Variants in GNG5 observed in about 807,000 individuals in gnomAD.
GNG5 encodes the protein G protein subunit gamma 5, also known as guanine nucleotide-binding protein G(I)/G(S)/G(O) subunit gamma-5.
GNG5 carries 2 observed loss-of-function variants against 6.2 expected under a neutral mutation model. The ratio of observed to expected loss-of-function variants is 0.32; its 90% CI spans 0.13 to 1.01. The LOEUF (loss-of-function observed/expected upper bound fraction) is 1.01, where lower values mean the gene tolerates loss of function less well. Ranked by LOEUF, GNG5 falls within the 50% of genes least tolerant of loss-of-function variation. The pLI is 0.48. For missense variants in GNG5, 57 were observed against 80.2 expected (o/e 0.71, Z 1.10); for synonymous variants, 24 against 33.0 (o/e 0.73, Z 0.93).
intron 2 of GNG5, among the ~76,000 whole-genome samples, chr1:84,505,091 C>T (rs1682146074): frequency 6.6e-6 from 1 of 152,174 alleles, no homozygotes. Flanking sequence ...ATTCTTGTTT[C>T]TTTTTTTAAC....
intron 2 of GNG5, among the ~76,000 whole-genome samples, chr1:84,505,118 A>G (rs1292500646): frequency 1.3e-5 from 2 of 152,256 alleles, no homozygotes; most frequent in African/African-American, 4.8e-5. Flanking sequence ...AGTGTTTCAC[A>G]TGTAGCCTGA....
intron 2 of GNG5, 42 bp downstream of exon 2, chr1:84,505,969 G>C: frequency 8.3e-7 from 1 of 1,198,262 alleles, no homozygotes; most frequent in Non-Finnish European, 1.1e-6. Flanking sequence ...CCCACCCGCC[G>C]CCGCCGCCTT....
intron 3 of GNG5, among the ~76,000 whole-genome samples, chr1:84,500,867 G>A (rs1472562829): frequency 6.6e-6 from 1 of 152,142 alleles, no homozygotes; most frequent in Non-Finnish European, 1.5e-5. Context: ...CTTTGGAGAA[G>A]TCAGAAAGTT....
chr1:84,506,158 A>T lies in GNG5; in HGVS notation c.-67T>A, dbSNP rs1216244925. The T allele has an allele frequency of 3.7e-6, 5 of 1,364,410 alleles. No individual in the cohort carries two copies. The highest frequency in any genetic ancestry group is 3.0e-6 in the Non-Finnish European group (3 of 997,972). 84.5% of individuals were successfully genotyped at this position (1,364,410 alleles called of 1,614,324 possible). On this transcript the variant is annotated 5_prime_UTR_variant, in exon 2 of 4. Coordinates refer to ENST00000370645, the MANE Select transcript of GNG5 (RefSeq NM_005274.3). The stretch of plus-strand genomic sequence containing the variant: ...GTGGGCCGTGGGTCGGCGGGGCCAG[A>T]CAACTCAGCGGCGCGCGGCGGGGGC...
chr1:84,500,768 C>T (rs1682042392), intron 3 of GNG5, among the ~76,000 whole-genome samples: 1 of 152,114 alleles, frequency 6.6e-6, no homozygotes, highest in Non-Finnish European at 1.5e-5. Flanking sequence ...TGTACTTATA[C>T]AGACTTCCTG....
At chr1:84,505,003 G>A (rs2101893427) in intron 2 of GNG5, among the ~76,000 whole-genome samples, 1 of 152,354 alleles carries the variant, frequency 6.6e-6, no homozygotes, top group East Asian at 1.9e-4. Context: ...ATTTCGGCAA[G>A]TAATAAAGAC....
At chr1:84,499,613 T>G (rs146582542) in intron 3 of GNG5, among the ~76,000 whole-genome samples, 13 of 152,280 alleles carry the variant, frequency 8.5e-5, no homozygotes, top group African/African-American at 3.1e-4. Flanking sequence ...TTACAAAGAG[T>G]ATTTAATGAA....
chr1:84,501,312 A>G (rs1484038905), intron 3 of GNG5, among the ~76,000 whole-genome samples: 1 of 152,186 alleles, frequency 6.6e-6, no homozygotes, highest in Non-Finnish European at 1.5e-5. Flanking sequence ...ACTCAATTAC[A>G]TCTGACTTTC....
At chr1:84,503,014 T>C (rs991233399) in intron 2 of GNG5, among the ~76,000 whole-genome samples, 1 of 152,220 alleles carries the variant, frequency 6.6e-6, no homozygotes, top group Non-Finnish European at 1.5e-5. Flanking sequence ...TTTAAGGCAA[T>C]AGTTTCTTAA....
At chr1:84,504,679 G>A (rs757816057) in intron 2 of GNG5, among the ~76,000 whole-genome samples, 1 of 152,202 alleles carries the variant, frequency 6.6e-6, no homozygotes, top group African/African-American at 2.4e-5. Flanking sequence ...CTGTGATGAG[G>A]TAAGAATTGG....
chr1:84,500,096 T>C lies in GNG5; in HGVS notation c.*20-1548A>G, dbSNP rs371329512. 6.6e-5 allele frequency among the ~76,000 whole-genome samples: 10 copies of C among 152,334 alleles called. No homozygotes were observed. The East Asian group carries it at 1.5e-3, about 23-fold the overall frequency. ...ACTGTATTTATATACATAACTCCAA[T>C]GTAGATTCTTTACATTCATGCCACT... is the stretch of plus-strand genomic sequence containing the variant. On this transcript the variant is annotated intron_variant, in intron 3 of 3. Transcript: ENST00000370645.
chr1:84,502,965 T>A (rs1384348285), intron 2 of GNG5, among the ~76,000 whole-genome samples: 1 of 152,256 alleles, frequency 6.6e-6, no homozygotes, highest in Non-Finnish European at 1.5e-5. Context: ...AAGTCCTGTT[T>A]GGGTGGCTCT....
chr1:84,499,337 C>CTAA (rs2101890089), intron 3 of GNG5, among the ~76,000 whole-genome samples: 1 of 152,244 alleles, frequency 6.6e-6, no homozygotes, highest in Admixed American at 6.5e-5. Context: ...ACAGAAAAGA[C>CTAA]TAAGGTTTGT....
chr1:84,506,217 C>T lies in GNG5; in HGVS notation c.-126G>A, dbSNP rs1682221819. On this transcript the variant is annotated 5_prime_UTR_variant, in exon 2 of 4. Transcript: ENST00000370645. Reference sequence around the variant, plus strand: ...GAACTTTGTCTCTAAGTTTCCGGTTCTGTGCTCAGCGGCTCCACCCTCGGT... The same window carrying T: ...GAACTTTGTCTCTAAGTTTCCGGTTTTGTGCTCAGCGGCTCCACCCTCGGT... 2 of 662,708 alleles carry T rather than the reference C, an allele frequency of 3.0e-6. No homozygotes were observed. The highest frequency in any genetic ancestry group is 7.7e-5 in the Admixed American group (2 of 25,864). The allele number at this position is 662,708 out of a possible 1,614,324, so 41.1% of individuals were successfully genotyped here. A position where few individuals can be genotyped will look rare whatever the true frequency, so the allele number is the denominator to read the frequency against.
At chr1:84,499,634 T>A (rs1175890783) in intron 3 of GNG5, among the ~76,000 whole-genome samples, 1 of 152,206 alleles carries the variant, frequency 6.6e-6, no homozygotes, top group Non-Finnish European at 1.5e-5. Context: ...ATAAATTCAT[T>A]TAAAAAAGGC....
intron 2 of GNG5, among the ~76,000 whole-genome samples, chr1:84,503,149 C>T (rs1171342532): frequency 6.6e-6 from 1 of 152,224 alleles, no homozygotes; most frequent in Non-Finnish European, 1.5e-5. Context: ...AGACGTGGAA[C>T]ATGAATGACT....
intron 2 of GNG5, among the ~76,000 whole-genome samples, chr1:84,502,720 C>CTGTGT: frequency 6.6e-6 from 1 of 152,294 alleles, no homozygotes; most frequent in East Asian, 1.9e-4. Flanking sequence ...AAAAATGCTA[C>CTGTGT]TGTGAATGAA....
At chr1:84,501,514 T>C (rs919137107) in intron 3 of GNG5, among the ~76,000 whole-genome samples, 2 of 152,326 alleles carry the variant, frequency 1.3e-5, no homozygotes, top group African/African-American at 4.8e-5. Flanking sequence ...GGGGACTCCA[T>C]TAGGCCAATG....
intron 3 of GNG5, among the ~76,000 whole-genome samples, chr1:84,501,220 T>C (rs1258917736): frequency 6.6e-6 from 1 of 152,182 alleles, no homozygotes; most frequent in Non-Finnish European, 1.5e-5. Flanking sequence ...ATTTCCTTCA[T>C]GTTTTATCTT....
Sources: gnomAD v4.1 joint callset for allele counts (sites outside exome capture counted in the v4.1 genomes callset) on GRCh38, gnomAD v4.1.1 for gene constraint, MANE v1.5 for transcripts, NCBI Gene and HGNC (gene_info 2026-07-23, HGNC 2026-07-21) for gene names.